The following FCER1A variants were observed in gnomAD, a reference collection of about 807,000 sequenced individuals.
The protein encoded by FCER1A is high affinity immunoglobulin epsilon receptor subunit alpha.
A neutral mutation model predicts 23.6 loss-of-function variants in FCER1A; 24 were observed. The observed-to-expected ratio is 1.02, with a 90% CI of 0.74 to 1.43. The LOEUF (loss-of-function observed/expected upper bound fraction) is 1.43. Ranked by LOEUF, FCER1A falls within the 40% of genes most tolerant of loss-of-function variation. The pLI, the probability that FCER1A is intolerant of heterozygous loss-of-function variation, is 0.00. For missense variants in FCER1A, 318 were observed against 294.5 expected (o/e 1.08, Z -0.58); for synonymous variants, 121 against 108.8 (o/e 1.11, Z -0.70).
chr1:159,287,882 A>G (rs2102212354), upstream of FCER1A, among the ~76,000 whole-genome samples: 1 of 151,790 alleles, frequency 6.6e-6, no homozygotes, highest in Admixed American at 6.6e-5. Flanking sequence ...CAATGAATTA[A>G]TTGCTCATTT....
Position 159,304,044 on chromosome 1 carries a change from T to C in FCER1A, c.193T>C (p.Phe65Leu), listed in dbSNP as rs1226049932. The change falls in exon 3 of 5, where the codon TTC (phenylalanine) becomes CTC (leucine). Residue 65 changes from phenylalanine to leucine, a missense_variant. By Grantham distance (22) the Phe-to-Leu change is conservative (BLOSUM62 0). Coordinates refer to ENST00000693622, the MANE Select transcript of FCER1A (RefSeq NM_001387280.1). ...NFFEVSSTKW[F>L]HNGSLSEETN... ...CTTTGAAGTCAGTTCCACCAAATGG[T>C]TCCACAATGGCAGCCTTTCAGAAGA... The C allele has an allele frequency of 3.1e-6, 5 of 1,614,180 alleles. No individual in the cohort carries two copies. The highest frequency in any genetic ancestry group is 2.2e-5 in the East Asian group (1 of 44,878).
intron 1 of FCER1A, among the ~76,000 whole-genome samples, chr1:159,291,913 A>G (rs1321675094): frequency 2.6e-5 from 4 of 152,064 alleles, no homozygotes; most frequent in Non-Finnish European, 4.4e-5. Context: ...TGTATTCTCT[A>G]TTTTACTTCA....
intron 1 of FCER1A, among the ~76,000 whole-genome samples, chr1:159,291,855 A>T (rs934277318): frequency 6.6e-6 from 1 of 152,098 alleles, no homozygotes; most frequent in East Asian, 1.9e-4. Flanking sequence ...CTCCACTGCC[A>T]TTGCTAAAGT....
rs545659327 is a variant in FCER1A at position 159,308,063 on chromosome 1, A to C, written c.*131A>C. The C allele has an allele frequency of 1.7e-6, 1 of 582,698 alleles. No homozygotes were observed. The highest frequency in any genetic ancestry group is 3.4e-5 in the South Asian group (1 of 29,554). 36.1% of individuals were successfully genotyped at this position (582,698 alleles called of 1,614,324 possible). On this transcript the variant is annotated 3_prime_UTR_variant, in exon 5 of 5. Transcript: ENST00000693622. ...CAAGGATTTATAGAAATGCTTCATT[A>C]AACTGAGTGAAACTGGTTAAGTGGC...
rs1652195011 is a variant in FCER1A at position 159,293,005 on chromosome 1, C to T, written c.-60+3252C>T. ...GAAAGAATGTCCTCACCAGATAGAC[C>T]CCTTGACCTTGAACTTCACAGTCTC... On this transcript the variant is annotated intron_variant, in intron 1 of 5. Coordinates refer to the FCER1A transcript ENST00000368115. 2.0e-5 allele frequency among the ~76,000 whole-genome samples: 3 copies of T among 151,296 alleles called. No homozygotes were observed. The South Asian group carries it at 6.3e-4, about 32-fold the overall frequency.
At chr1:159,297,251 T>G (rs972449620) in intron 1 of FCER1A, among the ~76,000 whole-genome samples, 1 of 152,062 alleles carries the variant, frequency 6.6e-6, no homozygotes, top group Non-Finnish European at 1.5e-5. Context: ...GTTGGAGGTG[T>G]GGGTGTGGTT....
At chr1:159,302,550 C>T in intron 1 of FCER1A, 131 bp downstream of exon 1, 1 of 770,254 alleles carries the variant, frequency 1.3e-6, no homozygotes. Context: ...TTCCCAGGGA[C>T]TCTGTAGTGG....
chr1:159,295,499 C>T (rs1652274663), intron 1 of FCER1A, among the ~76,000 whole-genome samples: 1 of 152,124 alleles, frequency 6.6e-6, no homozygotes, highest in African/African-American at 2.4e-5. Context: ...AATTAAAAAA[C>T]TTACAAATTC....
intron 3 of FCER1A, among the ~76,000 whole-genome samples, chr1:159,304,402 C>A (rs928042181): frequency 3.3e-5 from 5 of 152,026 alleles, no homozygotes; most frequent in Non-Finnish European, 7.4e-5. Flanking sequence ...GAGATCGAGA[C>A]CATCCGGCTA....
At chr1:159,298,178 A>G (rs1469746093), upstream of FCER1A, among the ~76,000 whole-genome samples, 1 of 152,182 alleles carries the variant, frequency 6.6e-6, no homozygotes, top group Non-Finnish European at 1.5e-5. Flanking sequence ...GTGGCTGATT[A>G]CATATCTTGA....
upstream of FCER1A, among the ~76,000 whole-genome samples, chr1:159,288,710 G>T (rs181213318): frequency 8.5e-5 from 13 of 152,144 alleles, no homozygotes; most frequent in East Asian, 1.7e-3. Flanking sequence ...GGTATATTTT[G>T]TTCAATAATT....
Position 159,302,499 on chromosome 1 carries a change from G to A in FCER1A, c.55+80G>A, listed in dbSNP as rs902519251. 53 of 989,532 alleles carry A rather than the reference G, an allele frequency of 5.4e-5. No homozygotes were observed. The African/African-American group carries it at 7.2e-4, about 13-fold the overall frequency. The allele number at this position is 989,532 out of a possible 1,614,324, so 61.3% of individuals were successfully genotyped here. A position where few individuals can be genotyped will look rare whatever the true frequency, so the allele number is the denominator to read the frequency against. Reference sequence around the variant, plus strand: ...AGCTGGGGTAGGAACCTTTACTGTGGGTGGTGACTTTTTCTAGGACATGTG... The same window carrying A: ...AGCTGGGGTAGGAACCTTTACTGTGAGTGGTGACTTTTTCTAGGACATGTG... On this transcript the variant is annotated intron_variant, in intron 1 of 4. Transcript: ENST00000693622.
rs913216389 is a variant in FCER1A at position 159,306,011 on chromosome 1, G to T, written c.355G>T (p.Ala119Ser). 1 of 1,613,758 alleles carries T rather than the reference G, an allele frequency of 6.2e-7. No homozygotes were observed. ...AGACTGGCTGCTCCTTCAGGCCTCT[G>T]CTGAGGTGGTGATGGAGGGCCAGCC... Reference protein sequence around the residue: ...FSDWLLLQASAEVVMEGQPLF... With the variant: ...FSDWLLLQASSEVVMEGQPLF... Residue 119 changes from alanine (A) to serine (S), a missense_variant, in exon 4 of 5, where the codon GCT becomes TCT. Ala to Ser is a moderately conservative substitution (Grantham distance 99). Transcript: ENST00000693622.
intron 1 of FCER1A, among the ~76,000 whole-genome samples, chr1:159,293,114 A>G (rs1652199468): frequency 6.6e-6 from 1 of 152,074 alleles, no homozygotes; most frequent in Non-Finnish European, 1.5e-5. Context: ...AGACTAAGAC[A>G]TACATGAAGA....
chr1:159,290,083 G>T (rs1652108064), intron 1 of FCER1A, among the ~76,000 whole-genome samples: 1 of 152,118 alleles, frequency 6.6e-6, no homozygotes, highest in Non-Finnish European at 1.5e-5. Context: ...AGGTTCTCCA[G>T]AAGAACCTAT....
chr1:159,288,803 C>G (rs1652079702), upstream of FCER1A, among the ~76,000 whole-genome samples: 1 of 152,248 alleles, frequency 6.6e-6, no homozygotes, highest in East Asian at 1.9e-4. Context: ...TTTCCTTGGT[C>G]CTGTATCTTC....
rs778745972 is a variant in FCER1A, at chr1:159,306,055, T to C, written c.399T>C (p.His133=). 20 of 1,614,002 alleles carry C rather than the reference T, an allele frequency of 1.2e-5. No homozygotes were observed. Among genetic ancestry groups the C allele is most frequent in the South Asian group, 3.3e-5 (3 of 91,086 alleles). ...MEGQPLFLRC[H]GWRNWDVYKV... ...GCCAGCCCCTCTTCCTCAGGTGCCA[T>C]GGTTGGAGGAACTGGGATGTGTACA... The change falls in exon 4 of 5, where the codon CAT becomes CAC. Residue 133 remains histidine, a synonymous_variant. Transcript: ENST00000693622.
At position 159,303,881 on chromosome 1, in the gene FCER1A, A is replaced by G. The variant is rs1652515530; in HGVS notation, c.77-47A>G. The G allele has an allele frequency of 4.0e-6, 6 of 1,514,176 alleles. No individual in the cohort carries two copies. In the Admixed American group the frequency reaches 7.6e-5, roughly 19 times the overall value. 93.8% of individuals were successfully genotyped at this position (1,514,176 alleles called of 1,614,324 possible). On this transcript the variant is annotated intron_variant, in intron 2 of 4. Coordinates refer to ENST00000693622, the MANE Select transcript of FCER1A (RefSeq NM_001387280.1). ...TTTTAAGCCTAGACAGTTTTCAATG[A>G]CTTTTTTTCTCTCTACATGTCTTTT...
intron 3 of FCER1A, among the ~76,000 whole-genome samples, chr1:159,304,755 A>G (rs2102232128): frequency 6.6e-6 from 1 of 152,136 alleles, no homozygotes; most frequent in South Asian, 2.1e-4. Context: ...TTCTGCCTAG[A>G]TTCAGGTATA....
Sources: gnomAD v4.1 joint callset for allele counts (sites outside exome capture counted in the v4.1 genomes callset) on GRCh38, gnomAD v4.1.1 for gene constraint, MANE v1.5 for transcripts, NCBI Gene and HGNC (gene_info 2026-07-23, HGNC 2026-07-21) for gene names.